The following EIF3B variants were observed in gnomAD, a reference collection of about 807,000 sequenced individuals.
EIF3B encodes the protein eukaryotic translation initiation factor 3 subunit 9.
A neutral mutation model predicts 104.6 loss-of-function variants in EIF3B; 10 were observed. That is an observed-to-expected ratio of 0.10 (90% confidence interval 0.06 to 0.16). The LOEUF (loss-of-function observed/expected upper bound fraction) is 0.16, where lower values mean the gene tolerates loss of function less well. EIF3B is among the 10% of genes least tolerant of loss of function. The pLI is 1.00. For missense variants in EIF3B, 1,014 were observed against 1,087.9 expected (o/e 0.93, Z 0.96); for synonymous variants, 542 against 417.2 (o/e 1.30, Z -3.65).
intron 1 of EIF3B, among the ~76,000 whole-genome samples, chr7:2,360,000 G>A (rs765356542): frequency 8.5e-5 from 13 of 152,182 alleles, no homozygotes; most frequent in Admixed American, 3.3e-4. Flanking sequence ...ACGAAGGTGC[G>A]TGGTGGTGGG....
At chr7:2,372,374 C>G (rs1401042508) in intron 11 of EIF3B, among the ~76,000 whole-genome samples, 1 of 152,172 alleles carries the variant, frequency 6.6e-6, no homozygotes, top group Non-Finnish European at 1.5e-5. Context: ...ACACTGGGTG[C>G]GAGGGAAGCG....
Position 2,375,181 on chromosome 7 carries a change from A to G in EIF3B, c.1890-208A>G, listed in dbSNP as rs1055183302. 7 of 550,870 alleles carry G rather than the reference A, an allele frequency of 1.3e-5. No homozygotes were observed. The Admixed American group carries it at 2.2e-4, about 17-fold the overall frequency. The allele number at this position is 550,870 out of a possible 1,614,324, so 34.1% of individuals were successfully genotyped here. ...TAACATTTCCAGTAAAAATAATATG[A>G]TGGCAGTCATATGTAATACTCACTG... On this transcript the variant is annotated intron_variant, in intron 13 of 18. Transcript: ENST00000360876.
At chr7:2,379,856 A>G (rs986136030) in intron 18 of EIF3B, 68 of 307,578 alleles carry the variant, frequency 2.2e-4, no homozygotes, top group Non-Finnish European at 5.0e-5. Context: ...CTGGAAAGAA[A>G]CACTGGCGTG....
intron 14 of EIF3B, 158 bp from the exon 15 acceptor site, chr7:2,376,792 T>C: frequency 9.2e-7 from 1 of 1,090,302 alleles, no homozygotes; most frequent in Non-Finnish European, 1.3e-6. Flanking sequence ...GTGTCTTGCA[T>C]TGACTGCCCA....
rs1191858836 is a variant in EIF3B at position 2,378,494 on chromosome 7, AGG to A, written c.2155-194_2155-193del. 1.5e-4 allele frequency: 40 copies of A among 269,706 alleles called. 4 individuals are homozygous for A. The highest frequency in any genetic ancestry group is 2.7e-4 in the Admixed American group (4 of 14,938). 16.7% of individuals were successfully genotyped at this position (269,706 alleles called of 1,614,324 possible). A position where few individuals can be genotyped will look rare whatever the true frequency, so the allele number is the denominator to read the frequency against. The stretch of plus-strand genomic sequence containing the variant: ...CCCTGGGTGTCATGGAGGAAGGAGC[AGG>A]CGCGAGTGCTGCTGGGAAGCTGTGT... On this transcript the variant is annotated intron_variant, in intron 15 of 18. Transcript: ENST00000360876.
At chr7:2,359,379 C>T (rs1251328029) in intron 1 of EIF3B, among the ~76,000 whole-genome samples, 1 of 152,040 alleles carries the variant, frequency 6.6e-6, no homozygotes, top group African/African-American at 2.4e-5. Context: ...AGTTGATCAC[C>T]GGTGCTCAGT....
chr7:2,377,156 G>T (rs1780680105), intron 15 of EIF3B, 81 bp downstream of exon 15: 1 of 1,502,742 alleles, frequency 6.7e-7, no homozygotes, highest in African/African-American at 1.4e-5. Context: ...TTCTGTTATT[G>T]TTAGGGTGGT....
intron 9 of EIF3B, among the ~76,000 whole-genome samples, chr7:2,367,990 C>G (rs1780129200): frequency 6.6e-6 from 1 of 151,386 alleles, no homozygotes; most frequent in Non-Finnish European, 1.5e-5. Flanking sequence ...CTGCAGGTGC[C>G]TGCCACCATG....
Position 2,354,961 on chromosome 7 carries a change from G to T in EIF3B, c.40G>T (p.Glu14Ter). Residue 14 changes from glutamate to a stop codon, truncating the protein, a stop_gained, in exon 1 of 19, where the codon GAG becomes TAG. Coordinates refer to ENST00000360876, the MANE Select transcript of EIF3B (RefSeq NM_001037283.2). LOFTEE classifies it high-confidence loss of function. ...GAACGTGGCGGTGCCCGAGGCGGCCGAGGAGCGCGCCGAGCCCGGCCAGCA... is the reference window on the plus strand; with the variant it reads ...GAACGTGGCGGTGCCCGAGGCGGCCTAGGAGCGCGCCGAGCCCGGCCAGCA... ...AENVAVPEAA[E>*]ERAEPGQQQP... 1 of 1,217,804 alleles carries T rather than the reference G, an allele frequency of 8.2e-7. No individual in the cohort carries two copies. Among genetic ancestry groups the T allele is most frequent in the South Asian group, 2.3e-5 (1 of 42,630 alleles). The allele number at this position is 1,217,804 out of a possible 1,614,324, so 75.4% of individuals were successfully genotyped here. A position where few individuals can be genotyped will look rare whatever the true frequency, so the allele number is the denominator to read the frequency against.
intron 2 of EIF3B, among the ~76,000 whole-genome samples, chr7:2,362,206 C>T (rs562118711): frequency 6.6e-6 from 1 of 152,226 alleles, no homozygotes; most frequent in African/African-American, 2.4e-5. Context: ...GTGATCTGCC[C>T]ACCTTGGCCT....
intron 1 of EIF3B, among the ~76,000 whole-genome samples, chr7:2,357,680 C>T (rs372890566): frequency 6.6e-6 from 1 of 152,144 alleles, no homozygotes; most frequent in Non-Finnish European, 1.5e-5. Flanking sequence ...TTGTTCTCTT[C>T]TGTTTTTCCT....
Position 2,363,650 on chromosome 7 carries a change from C to T in EIF3B, c.889C>T (p.Leu297Phe). ...FKDLGNLRYWLEEAECRDQYS... is the reference protein window; with the variant it reads ...FKDLGNLRYWFEEAECRDQYS... The stretch of plus-strand genomic sequence containing the variant: ...TTTTAAGGGGAACTTACGTTACTGG[C>T]TTGAAGAGGCAGAATGCAGAGATCA... The change falls in exon 5 of 19, where the codon CTT becomes TTT. Residue 297 changes from leucine (L) to phenylalanine (F), a missense_variant. Physicochemically the swap from Leu to Phe is conservative, Grantham distance 22. This residue lies in a region of EIF3B where 201 missense variants were observed against 240.7 expected (regional missense o/e 0.83). Coordinates refer to ENST00000360876, the MANE Select transcript of EIF3B (RefSeq NM_001037283.2). 3 of 1,608,088 alleles carry T rather than the reference C, an allele frequency of 1.9e-6. No homozygotes were observed. The highest frequency in any genetic ancestry group is 2.5e-6 in the Non-Finnish European group (3 of 1,178,370).
At chr7:2,371,144 G>T (rs189491887) in intron 10 of EIF3B, among the ~76,000 whole-genome samples, 98 of 152,298 alleles carry the variant, frequency 6.4e-4, no homozygotes, top group African/African-American at 2.1e-3. Flanking sequence ...CCCAGCTCCT[G>T]GCATCACGAA....
chr7:2,375,005 G>A (rs781686585), intron 13 of EIF3B: 11 of 306,140 alleles, frequency 3.6e-5, no homozygotes, highest in Middle Eastern at 9.6e-4. Flanking sequence ...TCACGGTGTC[G>A]GTCTCAGCTG....
intron 2 of EIF3B, 67 bp downstream of exon 2, chr7:2,360,969 G>A: frequency 4.4e-6 from 6 of 1,363,068 alleles, no homozygotes; most frequent in Non-Finnish European, 6.1e-6. Flanking sequence ...AGTGTTGCAG[G>A]AGATCCTTAC....
intron 2 of EIF3B, 108 bp downstream of exon 2, chr7:2,361,010 G>A: frequency 1.1e-6 from 1 of 879,558 alleles, no homozygotes; most frequent in East Asian, 2.7e-5. Flanking sequence ...CCAGGCACGT[G>A]GGCCGTTCAC....
At chr7:2,354,709 G>T (rs927924293), upstream of EIF3B, among the ~76,000 whole-genome samples, 1 of 152,164 alleles carries the variant, frequency 6.6e-6, no homozygotes, top group Admixed American at 6.5e-5. Flanking sequence ...ATATCAGTTT[G>T]ATGATTTTCG....
chr7:2,372,849 C>T, intron 12 of EIF3B, 54 bp downstream of exon 12: 2 of 1,583,764 alleles, frequency 1.3e-6, no homozygotes, highest in East Asian at 2.2e-5. Flanking sequence ...GATGATGACC[C>T]AGTCGCTGCC....
intron 2 of EIF3B, among the ~76,000 whole-genome samples, chr7:2,362,346 A>G (rs1384851689): frequency 2.0e-5 from 3 of 152,170 alleles, no homozygotes; most frequent in African/African-American, 7.2e-5. Flanking sequence ...ATACATTTTG[A>G]TGTGTACATA....
Sources: gnomAD v4.1 joint callset for allele counts (sites outside exome capture counted in the v4.1 genomes callset) on GRCh38, gnomAD v4.1.1 for gene constraint, gnomAD v4.1.1 regional missense constraint, MANE v1.5 for transcripts, NCBI Gene and HGNC (gene_info 2026-07-23, HGNC 2026-07-21) for gene names.